The following OPTN variants were observed in gnomAD, a reference collection of about 807,000 sequenced individuals.
OPTN encodes the protein optineurin, also known as E3-14.7K-interacting protein.
OPTN carries 54 observed loss-of-function variants against 70.4 expected under a neutral mutation model. The ratio of observed to expected loss-of-function variants is 0.77; its 90% CI spans 0.62 to 0.96. The LOEUF (loss-of-function observed/expected upper bound fraction) is 0.96. OPTN is among the 40% of genes least tolerant of loss of function. The probability of loss-of-function intolerance (pLI) is 0.00; values close to 1 mark genes in which losing one functional copy is unlikely to be tolerated. For missense variants in OPTN, 624 were observed against 673.2 expected (o/e 0.93, Z 0.81); for synonymous variants, 256 against 248.5 (o/e 1.03, Z -0.28).
At chr10:13,102,834 T>C (rs144444312) in intron 1 of OPTN, among the ~76,000 whole-genome samples, 2,970 of 152,058 alleles carry the variant, frequency 0.02, 101 homozygotes, top group African/African-American at 0.062. Flanking sequence ...TCCCAGCTAC[T>C]TGGGAGGCTG....
At chr10:13,133,697 T>A in intron 14 of OPTN, 116 bp downstream of exon 14, 1 of 863,256 alleles carries the variant, frequency 1.2e-6, no homozygotes, top group Non-Finnish European at 1.9e-6. Context: ...ACCAAAAATA[T>A]AGCACCCGTC....
At chr10:13,118,794 G>T (rs1833276684) in intron 6 of OPTN, 94 bp from the exon 7 acceptor site, 4 of 1,084,752 alleles carry the variant, frequency 3.7e-6, no homozygotes, top group Non-Finnish European at 5.7e-6. Context: ...CTGGAAAGCA[G>T]TTCCTTTAAG....
chr10:13,104,254 C>CTTTTTTT (rs60982439), intron 1 of OPTN, among the ~76,000 whole-genome samples: 3 of 97,836 alleles, frequency 3.1e-5, no homozygotes, highest in Non-Finnish European at 3.8e-5. Context: ...GTTTTTTTTT[C>CTTTTTTT]TTTTTTTTTT....
intron 2 of OPTN, chr10:13,108,874 A>C: frequency 2.0e-6 from 1 of 502,084 alleles, no homozygotes; most frequent in East Asian, 3.7e-5. Context: ...ACACCCATAC[A>C]CACACACGCA....
chr10:13,132,491 T>G (rs562192618), intron 13 of OPTN, among the ~76,000 whole-genome samples: 11 of 152,116 alleles, frequency 7.2e-5, no homozygotes, highest in African/African-American at 2.7e-4. Context: ...AGCAAGGATT[T>G]TGATTTGATT....
Position 13,124,015 on chromosome 10 carries a change from A to T in OPTN, c.903A>T (p.Ala301=). The change falls in exon 9 of 15, where the codon GCA becomes GCT. Residue 301 remains alanine (A), a synonymous_variant. Coordinates refer to ENST00000378747, the MANE Select transcript of OPTN (RefSeq NM_001008212.2). ...GPETVGSEVE[A]LNLQVTSLFK... ...GATAGGTTGGAAGCGAAGTGGAAGC[A>T]CTGAACCTCCAGGTGACATCTCTGT... 6.2e-7 allele frequency: 1 copy of T among 1,613,778 alleles called. No homozygotes were observed. Among genetic ancestry groups the T allele is most frequent in the Middle Eastern group, 1.7e-4 (1 of 6,060 alleles).
At chr10:13,103,698 A>G (rs1832797572) in intron 1 of OPTN, among the ~76,000 whole-genome samples, 1 of 151,916 alleles carries the variant, frequency 6.6e-6, no homozygotes, top group Non-Finnish European at 1.5e-5. Context: ...GGTCATTACT[A>G]GAATTACTTG....
At chr10:13,117,580 G>A (rs1020471211) in intron 6 of OPTN, among the ~76,000 whole-genome samples, 2 of 151,728 alleles carry the variant, frequency 1.3e-5, no homozygotes, top group South Asian at 4.2e-4. Flanking sequence ...CGAGTAGCTG[G>A]GAATACAGGT....
intron 1 of OPTN, among the ~76,000 whole-genome samples, chr10:13,101,329 C>CT (rs1262665980): frequency 5.9e-5 from 9 of 152,132 alleles, no homozygotes; most frequent in Admixed American, 6.5e-5. Context: ...GTAACAGCTT[C>CT]TTTTTTTATA....
intron 11 of OPTN, among the ~76,000 whole-genome samples, chr10:13,126,253 C>T (rs961993048): frequency 6.6e-6 from 1 of 150,772 alleles, no homozygotes; most frequent in East Asian, 1.9e-4. Context: ...TGTGAATGTC[C>T]TATGGTCAGG....
chr10:13,115,240 T>TATTTACATATATATATATAAATATAG (rs1564359523), intron 5 of OPTN, among the ~76,000 whole-genome samples: 1 of 86,338 alleles, frequency 1.2e-5, no homozygotes, highest in African/African-American at 4.9e-5. Context: ...GATATATCTA[T>TATTTACATATATATATATAAATATAG]ATATATCTAT....
At chr10:13,127,172 AG>A (rs1833485138) in intron 11 of OPTN, among the ~76,000 whole-genome samples, 1 of 152,138 alleles carries the variant, frequency 6.6e-6, no homozygotes, top group Admixed American at 6.5e-5. Flanking sequence ...TTTAAAGAGG[AG>A]GTTTTGCCAT....
rs753480064 is a variant in OPTN, at chr10:13,109,283, T to A, written c.161T>A (p.Leu54Gln). Reference sequence around the variant, plus strand: ...GAGCTCCTGACCGAGAACCACCAGCTGAAAGGTGAGCAGGGCTGGCCCCTG... The same window carrying A: ...GAGCTCCTGACCGAGAACCACCAGCAGAAAGGTGAGCAGGGCTGGCCCCTG... ...MKELLTENHQ[L>Q]KEAMKLNNQA... The change falls in exon 3 of 15, where the codon CTG becomes CAG. Residue 54 changes from leucine to glutamine, a missense_variant. Leu to Gln is a moderately radical substitution (Grantham distance 113). Transcript: ENST00000378747. 6.8e-6 allele frequency: 11 copies of A among 1,613,596 alleles called. No homozygotes were observed. The highest frequency in any genetic ancestry group is 1.3e-5 in the African/African-American group (1 of 74,852).
chr10:13,101,476 C>T (rs1832746504), intron 1 of OPTN, among the ~76,000 whole-genome samples: 1 of 147,252 alleles, frequency 6.8e-6, no homozygotes, highest in African/African-American at 2.5e-5. Context: ...CTGCCGAACC[C>T]CCGCCCTTAC....
chr10:13,108,441 G>A (rs1832913832), intron 2 of OPTN, among the ~76,000 whole-genome samples, 152 bp downstream of exon 2: 1 of 152,076 alleles, frequency 6.6e-6, no homozygotes, highest in African/African-American at 2.4e-5. Flanking sequence ...GATTTGCATG[G>A]GAAATTTTTT....
chr10:13,122,955 A>G, intron 8 of OPTN: 1 of 197,002 alleles, frequency 5.1e-6, no homozygotes, highest in South Asian at 1.0e-4. Context: ...GATTACAGAT[A>G]TGAGCCACTG....
In OPTN at chr10:13,108,177, G is replaced by A. The variant is rs989120625; in HGVS notation, c.-124G>A. On this transcript the variant is annotated 5_prime_UTR_variant, in exon 2 of 15. Coordinates refer to ENST00000378747, the MANE Select transcript of OPTN (RefSeq NM_001008212.2). ...GCTGGTGGTGCCACTTCCTGGCCTT[G>A]GATGAGCCGTACGCCTCTGTAAACC... 2 of 152,204 alleles carry A rather than the reference G, an allele frequency of 1.3e-5. No homozygotes were observed. Among genetic ancestry groups the A allele is most frequent in the Admixed American group, 1.3e-4 (2 of 15,276 alleles). 9.4% of individuals were successfully genotyped at this position (152,204 alleles called of 1,614,324 possible).
intron 1 of OPTN, among the ~76,000 whole-genome samples, chr10:13,107,204 G>A (rs1325755385): frequency 2.0e-5 from 3 of 151,320 alleles, no homozygotes; most frequent in Non-Finnish European, 4.4e-5. Context: ...ATGAAACCCC[G>A]TCTCTACTAA....
rs752299180 is a variant in OPTN, at chr10:13,136,895, T to C, written c.*29T>C. Reference sequence around the variant, plus strand: ...TTGATGTATCACCTCCCCAAAACTGTTGGTAAATGTCAGATTTTTTCCTCC... The same window carrying C: ...TTGATGTATCACCTCCCCAAAACTGCTGGTAAATGTCAGATTTTTTCCTCC... On this transcript the variant is annotated 3_prime_UTR_variant, in exon 15 of 15. Transcript: ENST00000378747. 2 of 1,613,928 alleles carry C rather than the reference T, an allele frequency of 1.2e-6. No homozygotes were observed. Among genetic ancestry groups the C allele is most frequent in the East Asian group, 2.2e-5 (1 of 44,882 alleles).
Sources: gnomAD v4.1 joint callset for allele counts (sites outside exome capture counted in the v4.1 genomes callset) on GRCh38, gnomAD v4.1.1 for gene constraint, MANE v1.5 for transcripts, NCBI Gene and HGNC (gene_info 2026-07-23, HGNC 2026-07-21) for gene names.